TBCD: variants seen among roughly 807,000 people sequenced by gnomAD.
TBCD encodes tubulin folding cofactor D, also known as tubulin-specific chaperone D.
In TBCD, 105 loss-of-function variants were observed where a neutral mutation model predicts 169.3. The ratio of observed to expected loss-of-function variants is 0.62; its 90% CI spans 0.53 to 0.73. TBCD has a LOEUF of 0.73. Among genes scored for constraint, TBCD ranks in the 30% least tolerant of loss-of-function variants. The probability of loss-of-function intolerance (pLI) is 0.00; values close to 1 mark genes in which losing one functional copy is unlikely to be tolerated. For synonymous variants in TBCD, 700 were observed against 643.9 expected, an observed-to-expected ratio of 1.09 and a Z score of -1.32; for missense variants, 1,444 against 1,600.1, an observed-to-expected ratio of 0.90 and a Z score of 1.66.
chr17:82,758,107 C>T (rs755405551), intron 2 of TBCD, among the ~76,000 whole-genome samples: 19 of 151,622 alleles, frequency 1.3e-4, no homozygotes, highest in Admixed American at 3.3e-4. Context: ...AACTGTTTTT[C>T]GCCGGGTGTG....
At chr17:82,822,227 T>G (rs937279876) in intron 13 of TBCD, among the ~76,000 whole-genome samples, 1 of 152,218 alleles carries the variant, frequency 6.6e-6, no homozygotes, top group African/African-American at 2.4e-5. Context: ...GGACACAGCG[T>G]TTCTGTGACG....
chr17:82,879,059 C>CTTTTTTTTTTTTTTTTTTTTTTTT (rs58480407), intron 14 of TBCD, among the ~76,000 whole-genome samples: 1 of 113,992 alleles, frequency 8.8e-6, no homozygotes. Context: ...AGATCCTGTT[C>CTTTTTTTTTTTTTTTTTTTTTTTT]TTTTTTTTTT....
intron 13 of TBCD, among the ~76,000 whole-genome samples, chr17:82,825,865 T>C (rs1004545544): frequency 1.3e-5 from 2 of 152,320 alleles, no homozygotes; most frequent in Admixed American, 1.3e-4. Context: ...TTTGGGAGGC[T>C]GAGGTGGGAG....
chr17:82,869,860 A>ACCAGGGGCGCCTCTCCCTCCCCTGAT (rs2057433785), intron 13 of TBCD, among the ~76,000 whole-genome samples: 1 of 151,956 alleles, frequency 6.6e-6, no homozygotes, highest in South Asian at 2.1e-4. Context: ...CCTCCCCTGA[A>ACCAGGGGCGCCTCTCCCTCCCCTGAT]CCAGGGGCTC....
intron 5 of TBCD, among the ~76,000 whole-genome samples, chr17:82,769,927 T>C (rs575232701): frequency 1.5e-3 from 222 of 151,972 alleles, no homozygotes; most frequent in Non-Finnish European, 2.3e-3. Flanking sequence ...TGATAGATCA[T>C]CAGTGATTAA....
chr17:82,923,324 G>A lies in TBCD; in HGVS notation c.2179-328G>A, dbSNP rs750718773. ...ATCTGACAGATGATGGTGAGCAGGC[G>A]TGCTGGAAAGGAGTAGCATGACTTA... On this transcript the variant is annotated intron_variant, in intron 25 of 38. Transcript: ENST00000355528. The surrounding 1 kb of genome is among the most constrained non-coding windows in gnomAD (Gnocchi z 4.6). Among the ~76,000 whole-genome samples, 192 of 152,354 alleles carry A rather than the reference G, an allele frequency of 1.3e-3. 1 individual carries two copies. The highest frequency in any genetic ancestry group is 5.0e-4 in the Non-Finnish European group (34 of 68,032).
Position 82,831,607 on chromosome 17 carries a change from T to A in TBCD, c.1318+16673T>A. ...GATCGGCCCCGGGTGAGGCAGGAAG[T>A]GTCTCGGGTCTTGGGTTCCGTAGAC... On this transcript the variant is annotated intron_variant, in intron 13 of 38. Transcript: ENST00000355528. This position sits in a 1 kb window ranked among gnomAD's most constrained non-coding sequence, Gnocchi z 4.6. The A allele has an allele frequency of 6.2e-7, 1 of 1,614,008 alleles. No homozygotes were observed.
rs35792712 is a variant in TBCD at position 82,830,850 on chromosome 17, A to C, written c.1318+15916A>C. ...CGAGAGAGGCGCTTCCGGTCGGAGCAGGAGGGTCTCCGTTCACAACATTGA... is the reference window on the plus strand; with the variant it reads ...CGAGAGAGGCGCTTCCGGTCGGAGCCGGAGGGTCTCCGTTCACAACATTGA... On this transcript the variant is annotated intron_variant, in intron 13 of 38. Transcript: ENST00000355528. 3,697 of 1,613,060 alleles carry C rather than the reference A, an allele frequency of 2.3e-3. 72 individuals carry two copies. In the African/African-American group the frequency reaches 0.041, roughly 18 times the overall value.
intron 18 of TBCD, among the ~76,000 whole-genome samples, chr17:82,902,633 C>T (rs1035482752): frequency 2.0e-5 from 3 of 152,336 alleles, no homozygotes; most frequent in South Asian, 2.1e-4. Context: ...CCTGCCAGCG[C>T]GGGCGTCTGC....
chr17:82,798,745 A>G (rs1182874040), intron 8 of TBCD, among the ~76,000 whole-genome samples: 1 of 124,260 alleles, frequency 8.0e-6, no homozygotes, highest in African/African-American at 3.0e-5. Context: ...CCTTCTTCCT[A>G]ATTCTCTTAA....
At chr17:82,761,052 T>C (rs2047728083) in intron 2 of TBCD, among the ~76,000 whole-genome samples, 1 of 151,942 alleles carries the variant, frequency 6.6e-6, no homozygotes, top group African/African-American at 2.4e-5. Context: ...CTCCTTCTCC[T>C]GGGTTCAAGC....
chr17:82,817,861 G>A (rs961166742), intron 13 of TBCD, among the ~76,000 whole-genome samples: 1 of 152,202 alleles, frequency 6.6e-6, no homozygotes, highest in Non-Finnish European at 1.5e-5. Flanking sequence ...GCTGACCCCA[G>A]AACCATGAAG....
In TBCD at chr17:82,828,641, C is replaced by T. The variant is rs111856123; in HGVS notation, c.1318+13707C>T. 1.7e-3 allele frequency among the ~76,000 whole-genome samples: 263 copies of T among 150,376 alleles called. 1 individual carries two copies. The highest frequency in any genetic ancestry group is 6.1e-3 in the African/African-American group (249 of 40,820). On this transcript the variant is annotated intron_variant, in intron 13 of 38. Transcript: ENST00000355528. ...ACATGCACACCCACACAATCGAATGCGCACACACCTGCAGATATGTACACA... is the reference window on the plus strand; with the variant it reads ...ACATGCACACCCACACAATCGAATGTGCACACACCTGCAGATATGTACACA...
intron 13 of TBCD, among the ~76,000 whole-genome samples, chr17:82,861,592 G>T (rs2056771142): frequency 6.6e-6 from 1 of 152,230 alleles, no homozygotes; most frequent in Non-Finnish European, 1.5e-5. Flanking sequence ...GGCTGTGATT[G>T]CGGCTGTCAG....
chr17:82,920,895 T>C lies in TBCD; in HGVS notation c.2101+277T>C, dbSNP rs2061383316. The C allele has an allele frequency of 2.2e-6, 1 of 453,450 alleles. No individual in the cohort carries two copies. The highest frequency in any genetic ancestry group is 3.9e-6 in the Non-Finnish European group (1 of 253,784). The allele number at this position is 453,450 out of a possible 1,614,324, so 28.1% of individuals were successfully genotyped here. On this transcript the variant is annotated intron_variant, in intron 24 of 38. Coordinates refer to ENST00000355528, the MANE Select transcript of TBCD (RefSeq NM_005993.5). This position sits in a 1 kb window ranked among gnomAD's most constrained non-coding sequence, Gnocchi z 4.1. ...CCAGGGCCCGGCACTCTGGGTCAGT[T>C]CTTCTCCCAGGCAGACAGTCGGGAG...
At position 82,892,912 on chromosome 17, in the gene TBCD, G is replaced by A. The variant is rs2059239021; in HGVS notation, c.1564-635G>A. 2.0e-5 allele frequency among the ~76,000 whole-genome samples: 3 copies of A among 152,298 alleles called. No homozygotes were observed. The South Asian group carries it at 6.2e-4, about 32-fold the overall frequency. On this transcript the variant is annotated intron_variant, in intron 16 of 38. Transcript: ENST00000355528. ...GGCTCCACTGGGAGGCTGTCGTGGCGGGGTGGGAGGAGGTGCCGCCTCTCC... is the reference window on the plus strand; with the variant it reads ...GGCTCCACTGGGAGGCTGTCGTGGCAGGGTGGGAGGAGGTGCCGCCTCTCC...
At chr17:82,840,953 G>GT (rs755302623) in intron 13 of TBCD, among the ~76,000 whole-genome samples, 732 of 70,544 alleles carry the variant, frequency 0.01, 270 homozygotes, top group African/African-American at 0.03. Flanking sequence ...CAGACAAACT[G>GT]GTTTTTTTTT....
In TBCD at chr17:82,821,916, CATT is replaced by C. The variant is rs1326982658; in HGVS notation, c.1318+6984_1318+6986del. 4.6e-5 allele frequency among the ~76,000 whole-genome samples: 7 copies of C among 152,072 alleles called. No individual in the cohort carries two copies. The East Asian group carries it at 1.2e-3, about 25-fold the overall frequency. ...TAAATTTCGAAAAAATTTTAATAAA[CATT>C]AAATTTTTATAAGTTTATATAAATG... On this transcript the variant is annotated intron_variant, in intron 13 of 38. Transcript: ENST00000355528.
At position 82,831,225 on chromosome 17, in the gene TBCD, G is replaced by A. The variant is rs1416536687; in HGVS notation, c.1318+16291G>A. 1 of 1,614,010 alleles carries A rather than the reference G, an allele frequency of 6.2e-7. No individual in the cohort carries two copies. Among genetic ancestry groups the A allele is most frequent in the Admixed American group, 1.7e-5 (1 of 60,024 alleles). ...CGGTGGGGCTCGGCCTCCCTGGGGAGCCCGTGGCTGCACTCCCTGCGCGGG... is the reference window on the plus strand; with the variant it reads ...CGGTGGGGCTCGGCCTCCCTGGGGAACCCGTGGCTGCACTCCCTGCGCGGG... On this transcript the variant is annotated intron_variant, in intron 13 of 38. Transcript: ENST00000355528. The surrounding 1 kb of genome is among the most constrained non-coding windows in gnomAD (Gnocchi z 4.6).
Sources: gnomAD v4.1 joint callset for allele counts (sites outside exome capture counted in the v4.1 genomes callset) on GRCh38, gnomAD v4.1.1 for gene constraint, Gnocchi (gnomAD v3.1) non-coding constraint, MANE v1.5 for transcripts, NCBI Gene and HGNC (gene_info 2026-07-23, HGNC 2026-07-21) for gene names.